Variants in AK9 observed in about 807,000 individuals in gnomAD.
AK9 encodes adenylate kinase 9, also known as adenylate kinase domain containing 1.
Under a neutral mutation model 239.6 loss-of-function variants are expected in AK9, and 191 were observed. The ratio of observed to expected loss-of-function variants is 0.80; its 90% CI spans 0.71 to 0.90. The LOEUF (loss-of-function observed/expected upper bound fraction) is 0.90. AK9 is among the 40% of genes least tolerant of loss of function. The pLI is 0.00. For missense variants in AK9, 1,995 were observed against 2,214.7 expected, an observed-to-expected ratio of 0.90 and a Z score of 1.99; for synonymous variants, 689 against 721.0, an observed-to-expected ratio of 0.96 and a Z score of 0.71.
At chr6:109,572,522 C>T (rs1475181365) in intron 21 of AK9, among the ~76,000 whole-genome samples, 1 of 152,152 alleles carries the variant, frequency 6.6e-6, no homozygotes, top group Non-Finnish European at 1.5e-5. Context: ...AAAGAAGATG[C>T]TTGGGGCTTC....
At chr6:109,526,320 T>G (rs923502345) in intron 29 of AK9, among the ~76,000 whole-genome samples, 2 of 151,814 alleles carry the variant, frequency 1.3e-5, no homozygotes, top group African/African-American at 4.8e-5. Context: ...AATAAAAATT[T>G]TACACACTTT....
At chr6:109,604,396 T>G (rs1306703702) in intron 17 of AK9, among the ~76,000 whole-genome samples, 1 of 152,230 alleles carries the variant, frequency 6.6e-6, no homozygotes, top group Non-Finnish European at 1.5e-5. Context: ...ATTTAATATA[T>G]ATGGAATTTA....
chr6:109,502,035 A>G (rs973237351), intron 35 of AK9, among the ~76,000 whole-genome samples: 3 of 152,190 alleles, frequency 2.0e-5, no homozygotes, highest in Non-Finnish European at 4.4e-5. Flanking sequence ...CCATATCATC[A>G]TATCATGTGT....
chr6:109,668,501 G>T (rs932489954), intron 5 of AK9, among the ~76,000 whole-genome samples: 46 of 150,776 alleles, frequency 3.1e-4, no homozygotes, highest in Non-Finnish European at 5.6e-4. Context: ...GTATTGCCTA[G>T]GTTTTCTTCT....
chr6:109,497,358 A>ACCCTCTCT (rs1237299336), intron 38 of AK9, 107 bp downstream of exon 38: 1 of 528,694 alleles, frequency 1.9e-6, no homozygotes, highest in Non-Finnish European at 3.3e-6. Flanking sequence ...ACACACACAC[A>ACCCTCTCT]CACACTCTCT....
intron 8 of AK9, among the ~76,000 whole-genome samples, chr6:109,649,895 C>A (rs1443088714): frequency 2.6e-5 from 4 of 152,006 alleles, no homozygotes; most frequent in Non-Finnish European, 5.9e-5. Context: ...AGATATAGAC[C>A]AATGGAACAG....
chr6:109,557,251 C>T (rs971104295), intron 24 of AK9, among the ~76,000 whole-genome samples: 3 of 152,070 alleles, frequency 2.0e-5, no homozygotes, highest in African/African-American at 4.8e-5. Context: ...GTCCCTCTTC[C>T]GTAGGGCTGC....
chr6:109,503,071 G>A (rs1320756044), intron 35 of AK9, among the ~76,000 whole-genome samples: 13 of 151,856 alleles, frequency 8.6e-5, no homozygotes, highest in Non-Finnish European at 1.9e-4. Context: ...TGTTGCTTAT[G>A]ACACAGATGA....
intron 29 of AK9, among the ~76,000 whole-genome samples, chr6:109,524,820 T>C (rs186813762): frequency 6.6e-6 from 1 of 152,234 alleles, no homozygotes; most frequent in East Asian, 1.9e-4. Context: ...TGGAGATGGG[T>C]GGGGCAAATG....
At chr6:109,546,153 G>A (rs1783539199) in intron 25 of AK9, 26 bp from the exon 26 acceptor site, 1 of 1,505,134 alleles carries the variant, frequency 6.6e-7, no homozygotes, top group Non-Finnish European at 9.0e-7. Context: ...GGTCAGGGAG[G>A]GGTGGGATAA....
chr6:109,537,179 G>A (rs566465473), intron 27 of AK9, among the ~76,000 whole-genome samples: 1 of 152,216 alleles, frequency 6.6e-6, no homozygotes, highest in African/African-American at 2.4e-5. Flanking sequence ...AGAAGGATTG[G>A]TACCAGCTCC....
intron 5 of AK9, among the ~76,000 whole-genome samples, chr6:109,671,039 T>C (rs1770806229): frequency 6.6e-6 from 1 of 152,172 alleles, no homozygotes; most frequent in Non-Finnish European, 1.5e-5. Flanking sequence ...CTATGTATCA[T>C]CTCTCTATAC....
chr6:109,558,212 T>C (rs1785258721), intron 24 of AK9, among the ~76,000 whole-genome samples: 1 of 152,150 alleles, frequency 6.6e-6, no homozygotes, highest in Non-Finnish European at 1.5e-5. Flanking sequence ...TAGTGTTTTT[T>C]TTAAAATAGT....
At chr6:109,534,049 G>T (rs1251073588) in intron 27 of AK9, among the ~76,000 whole-genome samples, 1 of 151,720 alleles carries the variant, frequency 6.6e-6, no homozygotes, top group Non-Finnish European at 1.5e-5. Context: ...CCACCTCCCT[G>T]GGTCTCCTTG....
At chr6:109,554,527 T>C (rs1242901268) in intron 24 of AK9, among the ~76,000 whole-genome samples, 1 of 22,040 alleles carries the variant, frequency 4.5e-5, no homozygotes, top group African/African-American at 1.1e-4. Flanking sequence ...TTTCTTTTCT[T>C]TTTTTTTTTT....
At chr6:109,660,237 T>C (rs949185935) in intron 6 of AK9, among the ~76,000 whole-genome samples, 2 of 152,130 alleles carry the variant, frequency 1.3e-5, no homozygotes, top group African/African-American at 4.8e-5. Context: ...AGGTTGTAAA[T>C]TGTGCTCTGA....
chr6:109,577,001 T>G (rs1788179658), intron 20 of AK9, among the ~76,000 whole-genome samples: 1 of 152,084 alleles, frequency 6.6e-6, no homozygotes, highest in Non-Finnish European at 1.5e-5. Flanking sequence ...CGGCTAATTT[T>G]TTGTATTTTT....
At chr6:109,536,367 C>T (rs2128139768) in intron 27 of AK9, among the ~76,000 whole-genome samples, 1 of 152,202 alleles carries the variant, frequency 6.6e-6, no homozygotes, top group Admixed American at 6.5e-5. Flanking sequence ...CTCTTTGAAG[C>T]AATTGTGAAT....
chr6:109,650,498 C>T (rs891050943), intron 8 of AK9, among the ~76,000 whole-genome samples: 9 of 151,014 alleles, frequency 6.0e-5, no homozygotes, highest in East Asian at 2.0e-4. Context: ...CATCACTGGC[C>T]GTCCAAGAAA....
Sources: allele counts gnomAD v4.1 joint callset (sites outside exome capture counted in the v4.1 genomes callset), GRCh38; gene constraint gnomAD v4.1.1; transcripts MANE v1.5; gene names NCBI Gene and HGNC (gene_info 2026-07-23, HGNC 2026-07-21).